ARID1B: variants seen among roughly 807,000 people sequenced by gnomAD.
The protein encoded by ARID1B is AT-rich interaction domain 1B.
A neutral mutation model predicts 212.3 loss-of-function variants in ARID1B; 30 were observed. The observed-to-expected ratio is 0.14, with a 90% CI of 0.11 to 0.19. The LOEUF (loss-of-function observed/expected upper bound fraction) is 0.19. ARID1B is among the 10% of genes least tolerant of loss of function. The pLI, the probability that ARID1B is intolerant of heterozygous loss-of-function variation, is 1.00. For synonymous variants in ARID1B, 1,402 were observed against 1,301.7 expected (o/e 1.08, Z -1.66); for missense variants, 2,891 against 3,204.0 (o/e 0.90, Z 2.36).
intron 2 of ARID1B, among the ~76,000 whole-genome samples, chr6:156,891,736 T>G (rs12204046): frequency 2.6e-5 from 4 of 151,646 alleles, no homozygotes; most frequent in Non-Finnish European, 5.9e-5. Context: ...CTCTTTTTTT[T>G]CCCCCCCTCA....
At chr6:157,101,136 C>T (rs746908470) in intron 5 of ARID1B, among the ~76,000 whole-genome samples, 3 of 152,100 alleles carry the variant, frequency 2.0e-5, no homozygotes, top group African/African-American at 4.8e-5. Flanking sequence ...AAGATGAACA[C>T]GATCATAGTA....
intron 1 of ARID1B, among the ~76,000 whole-genome samples, chr6:156,796,777 AGT>A (rs1780411017): frequency 6.6e-6 from 1 of 152,128 alleles, no homozygotes; most frequent in South Asian, 2.1e-4. Context: ...GGCGCAGGCT[AGT>A]GTGTGGGGCT....
At chr6:156,911,625 A>G (rs1789902957) in intron 3 of ARID1B, among the ~76,000 whole-genome samples, 1 of 152,206 alleles carries the variant, frequency 6.6e-6, no homozygotes, top group African/African-American at 2.4e-5. Flanking sequence ...TTCAAACATG[A>G]GTATGATTCC....
intron 1 of ARID1B, among the ~76,000 whole-genome samples, chr6:156,793,590 CT>C (rs1265561231): frequency 6.6e-6 from 1 of 152,180 alleles, no homozygotes; most frequent in Non-Finnish European, 1.5e-5. Context: ...CCTGCCTCAG[CT>C]TCCCGAAGAG....
chr6:157,145,676 T>C (rs1272346547), intron 7 of ARID1B, among the ~76,000 whole-genome samples: 2 of 152,210 alleles, frequency 1.3e-5, no homozygotes, highest in African/African-American at 4.8e-5. Context: ...ATGTGCTTTT[T>C]CTTAAATATT....
intron 3 of ARID1B, among the ~76,000 whole-genome samples, chr6:156,921,491 A>G (rs1264678626): frequency 7.6e-6 from 1 of 132,246 alleles, no homozygotes; most frequent in Non-Finnish European, 1.6e-5. Flanking sequence ...ACACACACAC[A>G]CAAAATGTAA....
chr6:157,090,945 T>C (rs954338419), intron 5 of ARID1B, among the ~76,000 whole-genome samples: 2 of 152,146 alleles, frequency 1.3e-5, no homozygotes, highest in African/African-American at 4.8e-5. Flanking sequence ...GTGTGCCTCC[T>C]GCCTGGGGTA....
chr6:156,863,421 G>A (rs1205683125), intron 2 of ARID1B, among the ~76,000 whole-genome samples: 2 of 152,118 alleles, frequency 1.3e-5, no homozygotes, highest in African/African-American at 4.8e-5. Context: ...GAAGAATATG[G>A]ATCTCTCAGC....
At chr6:156,925,801 C>G (rs1292748306) in intron 3 of ARID1B, among the ~76,000 whole-genome samples, 1 of 152,106 alleles carries the variant, frequency 6.6e-6, no homozygotes, top group Non-Finnish European at 1.5e-5. Context: ...TAGTAGTCTT[C>G]TGAACAGATA....
chr6:156,873,165 A>G (rs1420747905), intron 2 of ARID1B, among the ~76,000 whole-genome samples: 3 of 152,256 alleles, frequency 2.0e-5, no homozygotes, highest in African/African-American at 7.2e-5. Flanking sequence ...ACAGATAAAC[A>G]GAAGGCTCTT....
chr6:157,018,000 C>A (rs1780008663), intron 4 of ARID1B, among the ~76,000 whole-genome samples: 1 of 148,810 alleles, frequency 6.7e-6, no homozygotes, highest in African/African-American at 2.5e-5. Flanking sequence ...GGCATGGTGT[C>A]ATGTGCTTGT....
chr6:157,004,973 C>G (rs1460350758), intron 4 of ARID1B, among the ~76,000 whole-genome samples: 1 of 121,272 alleles, frequency 8.2e-6, no homozygotes, highest in African/African-American at 3.1e-5. Flanking sequence ...AGTACAGTGG[C>G]GTAATCCCGA....
At chr6:156,795,946 G>A (rs1780342696) in intron 1 of ARID1B, among the ~76,000 whole-genome samples, 1 of 152,050 alleles carries the variant, frequency 6.6e-6, no homozygotes, top group Admixed American at 6.5e-5. Context: ...TCACGTAAGC[G>A]GTCCTGCTGG....
intron 1 of ARID1B, among the ~76,000 whole-genome samples, chr6:156,826,097 T>C (rs1210028179): frequency 6.6e-6 from 1 of 152,238 alleles, no homozygotes; most frequent in African/African-American, 2.4e-5. Flanking sequence ...CCAAACAATG[T>C]CTTGGCTGGT....
intron 3 of ARID1B, among the ~76,000 whole-genome samples, chr6:156,929,610 G>A (rs935695780): frequency 1.4e-4 from 21 of 152,196 alleles, no homozygotes; most frequent in Non-Finnish European, 2.4e-4. Context: ...ATTATTGCAA[G>A]ATAATAACAA....
At chr6:156,870,141 G>C (rs1044194429) in intron 2 of ARID1B, 2 of 152,270 alleles carry the variant, frequency 1.3e-5, no homozygotes, top group Non-Finnish European at 2.9e-5. Flanking sequence ...AAACACCCTG[G>C]ATTACAGTCT....
chr6:156,842,650 T>C (rs1162056786), intron 2 of ARID1B, among the ~76,000 whole-genome samples: 1 of 152,226 alleles, frequency 6.6e-6, no homozygotes, highest in African/African-American at 2.4e-5. Flanking sequence ...CTGGATCATG[T>C]GGTAATTCTA....
At chr6:156,962,312 G>A (rs1017308993) in intron 4 of ARID1B, among the ~76,000 whole-genome samples, 14 of 152,152 alleles carry the variant, frequency 9.2e-5, no homozygotes, top group African/African-American at 3.1e-4. Context: ...AAAAACTATA[G>A]AAAGGTAAAT....
At chr6:156,934,396 G>C (rs1054260770) in intron 3 of ARID1B, among the ~76,000 whole-genome samples, 5 of 152,108 alleles carry the variant, frequency 3.3e-5, no homozygotes, top group Non-Finnish European at 7.3e-5. Flanking sequence ...GCACAATGCT[G>C]AAACCATGCA....
Sources: gnomAD v4.1 joint callset for allele counts (sites outside exome capture counted in the v4.1 genomes callset) on GRCh38, gnomAD v4.1.1 for gene constraint, MANE v1.5 for transcripts, NCBI Gene and HGNC (gene_info 2026-07-23, HGNC 2026-07-21) for gene names.